RBFOX1: variants seen among roughly 807,000 people sequenced by gnomAD.
RBFOX1 encodes RNA binding protein fox-1 homolog 1.
A neutral mutation model predicts 57.7 loss-of-function variants in RBFOX1; 8 were observed. The observed-to-expected ratio is 0.14, with a 90% CI of 0.08 to 0.25. The LOEUF (loss-of-function observed/expected upper bound fraction) is 0.25. Ranked by LOEUF, RBFOX1 falls within the 10% of genes least tolerant of loss-of-function variation. The probability of loss-of-function intolerance (pLI) is 1.00; values close to 1 mark genes in which losing one functional copy is unlikely to be tolerated. For missense variants in RBFOX1, 611 were observed against 548.5 expected, an observed-to-expected ratio of 1.11 and a Z score of -1.14; for synonymous variants, 326 against 222.4, an observed-to-expected ratio of 1.47 and a Z score of -4.15.
At chr16:7,009,385 G>GA (rs1057482910) in intron 3 of RBFOX1, among the ~76,000 whole-genome samples, 19 of 151,384 alleles carry the variant, frequency 1.3e-4, no homozygotes, top group African/African-American at 1.7e-4. Context: ...ACCTTAAAAT[G>GA]AAAAAAATGT....
chr16:7,566,889 C>G (rs994818219), intron 5 of RBFOX1, among the ~76,000 whole-genome samples: 4 of 151,846 alleles, frequency 2.6e-5, no homozygotes, highest in Non-Finnish European at 2.9e-5. Context: ...TGTATTTTCC[C>G]CCCAAAAGGT....
chr16:6,784,055 C>G (rs557875823), intron 3 of RBFOX1, among the ~76,000 whole-genome samples: 6 of 152,074 alleles, frequency 3.9e-5, no homozygotes, highest in South Asian at 2.1e-4. Context: ...TCTCCTGCTA[C>G]TCTTAGGGTC....
intron 4 of RBFOX1, among the ~76,000 whole-genome samples, chr16:7,099,296 C>G (rs1359452156): frequency 2.0e-5 from 3 of 152,130 alleles, no homozygotes; most frequent in Non-Finnish European, 2.9e-5. Flanking sequence ...GCTCAAAAAC[C>G]AAGGAATTTC....
At chr16:6,795,085 T>C (rs1420393378) in intron 3 of RBFOX1, among the ~76,000 whole-genome samples, 2 of 152,180 alleles carry the variant, frequency 1.3e-5, no homozygotes, top group Non-Finnish European at 2.9e-5. Context: ...TTTAAAAAAA[T>C]GAGTTTCCAT....
intron 3 of RBFOX1, among the ~76,000 whole-genome samples, chr16:6,805,438 A>C (rs1168584490): frequency 6.6e-6 from 1 of 152,162 alleles, no homozygotes; most frequent in African/African-American, 2.4e-5. Context: ...TAACTTGGGT[A>C]CTTGGCTTAG....
intron 3 of RBFOX1, among the ~76,000 whole-genome samples, chr16:5,701,609 T>A (rs2051051676): frequency 6.6e-6 from 1 of 152,166 alleles, no homozygotes; most frequent in Non-Finnish European, 1.5e-5. Flanking sequence ...TTTTTTGTAT[T>A]TTTTTGTAGG....
At chr16:6,708,311 C>CA (rs1171592727) in intron 3 of RBFOX1, among the ~76,000 whole-genome samples, 1 of 151,384 alleles carries the variant, frequency 6.6e-6, no homozygotes, top group East Asian at 2.0e-4. Flanking sequence ...CACACTCACA[C>CA]TCATTCACAA....
intron 4 of RBFOX1, among the ~76,000 whole-genome samples, chr16:7,092,946 G>T (rs560880629): frequency 1.3e-5 from 2 of 152,086 alleles, no homozygotes; most frequent in African/African-American, 4.8e-5. Context: ...TGACGCATTC[G>T]TTGAATGGTT....
chr16:6,390,938 C>A (rs774071021), intron 2 of RBFOX1, among the ~76,000 whole-genome samples: 1 of 152,150 alleles, frequency 6.6e-6, no homozygotes, highest in Non-Finnish European at 1.5e-5. Flanking sequence ...AACCTCAGCA[C>A]TACTGACATT....
chr16:5,526,282 C>G (rs982921258), intron 2 of RBFOX1, among the ~76,000 whole-genome samples: 7 of 123,602 alleles, frequency 5.7e-5, no homozygotes, highest in Non-Finnish European at 1.8e-5. Flanking sequence ...TGTTTCCACT[C>G]CCTTTATTAT....
chr16:6,889,355 T>G (rs2064884354), intron 3 of RBFOX1, among the ~76,000 whole-genome samples: 1 of 152,228 alleles, frequency 6.6e-6, no homozygotes, highest in African/African-American at 2.4e-5. Flanking sequence ...GTGCCTCATT[T>G]TGCTCTCTTT....
chr16:5,538,066 G>T (rs1187777947), intron 2 of RBFOX1, among the ~76,000 whole-genome samples: 1 of 152,112 alleles, frequency 6.6e-6, no homozygotes, highest in Non-Finnish European at 1.5e-5. Flanking sequence ...TGGAGCCCCA[G>T]AGCAGTCATA....
chr16:6,209,875 A>T (rs1035068999), intron 1 of RBFOX1, among the ~76,000 whole-genome samples: 1 of 152,214 alleles, frequency 6.6e-6, no homozygotes, highest in Non-Finnish European at 1.5e-5. Context: ...TCAGTTTCTT[A>T]TTAGTTTCAT....
At chr16:6,536,226 C>T (rs1412968262) in intron 2 of RBFOX1, among the ~76,000 whole-genome samples, 1 of 152,208 alleles carries the variant, frequency 6.6e-6, no homozygotes, top group African/African-American at 2.4e-5. Flanking sequence ...AACTTACTTG[C>T]TTCCTTGGAC....
intron 3 of RBFOX1, among the ~76,000 whole-genome samples, chr16:5,722,827 C>G (rs774313126): frequency 5.9e-5 from 9 of 152,170 alleles, no homozygotes; most frequent in Non-Finnish European, 1.3e-4. Context: ...GAGGAGTCTC[C>G]CAAGACCAAG....
At chr16:6,955,366 A>ACG (rs1466057943) in intron 3 of RBFOX1, among the ~76,000 whole-genome samples, 1 of 151,838 alleles carries the variant, frequency 6.6e-6, no homozygotes, top group Non-Finnish European at 1.5e-5. Context: ...ACACACACAC[A>ACG]CACACACGTG....
At chr16:5,726,744 G>C (rs995225917) in intron 3 of RBFOX1, among the ~76,000 whole-genome samples, 16 of 152,228 alleles carry the variant, frequency 1.1e-4, no homozygotes, top group Non-Finnish European at 1.9e-4. Flanking sequence ...CTGACATTGT[G>C]ACATATGATT....
intron 4 of RBFOX1, among the ~76,000 whole-genome samples, chr16:7,512,416 G>C (rs1335629031): frequency 6.6e-6 from 1 of 152,196 alleles, no homozygotes; most frequent in Non-Finnish European, 1.5e-5. Flanking sequence ...AATTCCATAG[G>C]AAGTACAATG....
intron 3 of RBFOX1, among the ~76,000 whole-genome samples, chr16:6,914,764 C>CT (rs1555618888): frequency 6.6e-6 from 1 of 152,122 alleles, no homozygotes; most frequent in Non-Finnish European, 1.5e-5. Context: ...GTCCCAGCTA[C>CT]TTTGAAGGCT....
Sources: gnomAD v4.1 joint callset for allele counts (sites outside exome capture counted in the v4.1 genomes callset) on GRCh38, gnomAD v4.1.1 for gene constraint, MANE v1.5 for transcripts, NCBI Gene and HGNC (gene_info 2026-07-23, HGNC 2026-07-21) for gene names.